RHOT1: variants seen among roughly 807,000 people sequenced by gnomAD.
The protein encoded by RHOT1 is ras homolog family member T1.
Under a neutral mutation model 95.3 loss-of-function variants are expected in RHOT1, and 27 were observed. That is an observed-to-expected ratio of 0.28 (90% CI 0.21 to 0.39). The LOEUF (loss-of-function observed/expected upper bound fraction) is 0.39, where lower values mean the gene tolerates loss of function less well. Among genes scored for constraint, RHOT1 ranks in the 10% least tolerant of loss-of-function variants. The pLI is 1.00. For synonymous variants in RHOT1, 227 were observed against 263.5 expected (o/e 0.86, Z 1.34); for missense variants, 578 against 786.7 (o/e 0.73, Z 3.17).
chr17:32,197,909 G>C (rs1220182418), intron 11 of RHOT1, among the ~76,000 whole-genome samples: 1 of 150,604 alleles, frequency 6.6e-6, no homozygotes, highest in Non-Finnish European at 1.5e-5. Flanking sequence ...ATGTTTGTTT[G>C]TTTGAGACAG....
chr17:32,183,473 T>A (rs1281961529), intron 8 of RHOT1, among the ~76,000 whole-genome samples: 2 of 152,238 alleles, frequency 1.3e-5, no homozygotes, highest in African/African-American at 4.8e-5. Context: ...ATCAATGGAA[T>A]CTAATCAAGT....
chr17:32,193,769 T>C (rs902932024), intron 10 of RHOT1, among the ~76,000 whole-genome samples: 3 of 152,226 alleles, frequency 2.0e-5, no homozygotes, highest in African/African-American at 7.2e-5. Flanking sequence ...TGTTGGCCAT[T>C]TCCTCTAGTG....
In RHOT1 at chr17:32,166,622, T is replaced by C. The variant is rs371821540; in HGVS notation, c.38-4421T>C. On this transcript the variant is annotated intron_variant, in intron 1 of 19. Transcript: ENST00000545287. ...ATGTAATATTCCAGGTCCTTTGTTG[T>C]CATTTCAATATTGCTCACAGCATCT... Among the ~76,000 whole-genome samples, 4 of 152,314 alleles carry C rather than the reference T, an allele frequency of 2.6e-5. No homozygotes were observed. The East Asian group carries it at 7.7e-4, about 29-fold the overall frequency.
intron 11 of RHOT1, among the ~76,000 whole-genome samples, chr17:32,195,854 C>G (rs2036843692): frequency 1.3e-5 from 2 of 152,124 alleles, no homozygotes; most frequent in African/African-American, 4.8e-5. Context: ...TTATAGGACT[C>G]TCTCATAAGG....
At chr17:32,152,754 T>C (rs1430368116) in intron 1 of RHOT1, among the ~76,000 whole-genome samples, 1 of 152,100 alleles carries the variant, frequency 6.6e-6, no homozygotes, top group Non-Finnish European at 1.5e-5. Flanking sequence ...TGGAAACCAG[T>C]AGCCTTTCAG....
chr17:32,219,300 A>G lies in RHOT1; in HGVS notation c.1863-5316A>G, dbSNP rs12939862. On this transcript the variant is annotated intron_variant, in intron 19 of 19. Coordinates refer to ENST00000545287, the MANE Select transcript of RHOT1 (RefSeq NM_001033566.3). Reference sequence around the variant, plus strand: ...GACAAGGTTAATTGATATCTGGGTAACAATTTCTGAATTCTTACCCTTCCG... The same window carrying G: ...GACAAGGTTAATTGATATCTGGGTAGCAATTTCTGAATTCTTACCCTTCCG... Among the ~76,000 whole-genome samples the G allele has an allele frequency of 7.3e-3, 1,109 of 152,244 alleles. 20 individuals are homozygous for G. The highest frequency in any genetic ancestry group is 0.024 in the African/African-American group (1,004 of 41,550).
chr17:32,159,990 T>C (rs911540364), intron 1 of RHOT1: 5 of 152,228 alleles, frequency 3.3e-5, no homozygotes, highest in African/African-American at 1.2e-4. Flanking sequence ...ATCGGCACAC[T>C]CTTCTTCCCC....
intron 1 of RHOT1, among the ~76,000 whole-genome samples, chr17:32,159,128 C>T (rs1270443641): frequency 3.3e-5 from 5 of 152,168 alleles, no homozygotes; most frequent in Admixed American, 3.3e-4. Context: ...CGGCTGAAGG[C>T]GCAGCTGGGA....
In RHOT1 at chr17:32,202,855, T is replaced by G. The variant is rs1567714902; in HGVS notation, c.1287T>G (p.Cys429Trp). The G allele has an allele frequency of 6.2e-7, 1 of 1,613,364 alleles. No homozygotes were observed. The highest frequency in any genetic ancestry group is 1.7e-5 in the Admixed American group (1 of 59,918). The change falls in exon 15 of 20, where the codon TGT becomes TGG. Residue 429 changes from cysteine to tryptophan, a missense_variant. Coordinates refer to ENST00000545287, the MANE Select transcript of RHOT1 (RefSeq NM_001033566.3). ...FRCNVIGVKNCGKSGVLQALL... is the reference protein window; with the variant it reads ...FRCNVIGVKNWGKSGVLQALL... ...GTAATGTAATTGGAGTGAAAAACTG[T>G]GGGAAAAGTGGAGTTCTTCAGGCTC...
chr17:32,171,075 C>T lies in RHOT1; in HGVS notation c.70C>T (p.Leu24=). 1 of 1,604,106 alleles carries T rather than the reference C, an allele frequency of 6.2e-7. No individual in the cohort carries two copies. Among genetic ancestry groups the T allele is most frequent in the South Asian group, 1.1e-5 (1 of 89,300 alleles). ...TGGGAAGACATCACTGATTATGTCT[C>T]TGGTCAGTGAAGAATTTCCAGAAGA... ...RVGKTSLIMS[L]VSEEFPEEVP... Residue 24 remains leucine, a synonymous_variant, in exon 2 of 20, where the codon CTG becomes TTG. Transcript: ENST00000545287.
intron 1 of RHOT1, among the ~76,000 whole-genome samples, chr17:32,167,404 G>A (rs553831557): frequency 6.6e-6 from 1 of 151,198 alleles, no homozygotes; most frequent in South Asian, 2.1e-4. Flanking sequence ...TTGGCTCACT[G>A]CAAGCTCCGC....
At chr17:32,163,358 T>C (rs945773994) in intron 1 of RHOT1, among the ~76,000 whole-genome samples, 2 of 152,188 alleles carry the variant, frequency 1.3e-5, no homozygotes, top group African/African-American at 4.8e-5. Context: ...TGACAGATCT[T>C]GACTGCTAAA....
At chr17:32,170,305 C>T (rs1001552887) in intron 1 of RHOT1, among the ~76,000 whole-genome samples, 20 of 151,996 alleles carry the variant, frequency 1.3e-4, no homozygotes, top group African/African-American at 4.1e-4. Context: ...ATCCCAGCTA[C>T]TTTGGAGGCT....
At chr17:32,173,983 C>A in intron 3 of RHOT1, 71 bp downstream of exon 3, 1 of 1,071,622 alleles carries the variant, frequency 9.3e-7, no homozygotes, top group Non-Finnish European at 1.4e-6. Context: ...ACTTACTGAG[C>A]TTTTACAAAT....
At chr17:32,170,654 T>G (rs73989716) in intron 1 of RHOT1, among the ~76,000 whole-genome samples, 154 of 152,202 alleles carry the variant, frequency 1.0e-3, no homozygotes, top group African/African-American at 3.7e-3. Flanking sequence ...CTTCTAGGAG[T>G]TTTTATGTAC....
chr17:32,216,843 T>C (rs1374585293), intron 19 of RHOT1, among the ~76,000 whole-genome samples: 1 of 152,194 alleles, frequency 6.6e-6, no homozygotes, highest in Non-Finnish European at 1.5e-5. Context: ...CTTTGGGATA[T>C]TACGTTATAG....
At chr17:32,220,279 T>G (rs991569953) in intron 19 of RHOT1, among the ~76,000 whole-genome samples, 1 of 152,208 alleles carries the variant, frequency 6.6e-6, no homozygotes, top group African/African-American at 2.4e-5. Context: ...GGAAGATCAC[T>G]TGAGCTCAGG....
intron 6 of RHOT1, among the ~76,000 whole-genome samples, chr17:32,177,782 G>C (rs2035133819): frequency 6.8e-6 from 1 of 148,112 alleles, no homozygotes; most frequent in East Asian, 2.0e-4. Context: ...GCCCCATCGA[G>C]CCTGCAGATG....
At chr17:32,153,088 C>T (rs1014703765) in intron 1 of RHOT1, among the ~76,000 whole-genome samples, 10 of 152,192 alleles carry the variant, frequency 6.6e-5, no homozygotes, top group African/African-American at 1.9e-4. Flanking sequence ...AGGCGTGAGC[C>T]GCCTCACTTG....
Sources: allele counts gnomAD v4.1 joint callset (sites outside exome capture counted in the v4.1 genomes callset), GRCh38; gene constraint gnomAD v4.1.1; transcripts MANE v1.5; gene names NCBI Gene and HGNC (gene_info 2026-07-23, HGNC 2026-07-21).